The following TDRD3 variants were observed in gnomAD, a reference collection of about 807,000 sequenced individuals.
TDRD3 encodes the protein tudor domain-containing protein 3.
TDRD3 carries 45 observed loss-of-function variants against 86.7 expected under a neutral mutation model. The ratio of observed to expected loss-of-function variants is 0.52; its 90% CI spans 0.41 to 0.67. The LOEUF is 0.67. Among genes scored for constraint, TDRD3 ranks in the 30% least tolerant of loss-of-function variants. The pLI is 0.00. For synonymous variants in TDRD3, 298 were observed against 301.7 expected, an observed-to-expected ratio of 0.99 and a Z score of 0.13; for missense variants, 814 against 889.0, an observed-to-expected ratio of 0.92 and a Z score of 1.07.
intron 10 of TDRD3, among the ~76,000 whole-genome samples, chr13:60,521,997 A>G (rs564949757): frequency 6.6e-6 from 1 of 152,308 alleles, no homozygotes; most frequent in African/African-American, 2.4e-5. Flanking sequence ...AGAAGGTGGA[A>G]CTTTCTTCTA....
At chr13:60,396,535 A>T (rs1011275576), upstream of TDRD3, 2 of 152,554 alleles carry the variant, frequency 1.3e-5, no homozygotes, top group Non-Finnish European at 2.9e-5. Flanking sequence ...CAGATCTGGC[A>T]GTACAGAGCC....
chr13:60,485,275 T>TA (rs1014604272), intron 6 of TDRD3, among the ~76,000 whole-genome samples: 4 of 152,024 alleles, frequency 2.6e-5, no homozygotes, highest in African/African-American at 9.7e-5. Flanking sequence ...CCTTTTTTTT[T>TA]ACTTTATGAG....
chr13:60,477,284 A>T (rs1318064946), intron 5 of TDRD3, among the ~76,000 whole-genome samples: 1 of 151,784 alleles, frequency 6.6e-6, no homozygotes, highest in Non-Finnish European at 1.5e-5. Context: ...GCAGAATCAT[A>T]GTTCAATACA....
intron 1 of TDRD3, among the ~76,000 whole-genome samples, chr13:60,433,803 G>A (rs1955014914): frequency 6.6e-6 from 1 of 152,196 alleles, no homozygotes. Context: ...CAGCTGATGT[G>A]TAGTTTGCCT....
At chr13:60,416,471 A>G (rs1317639604) in intron 1 of TDRD3, among the ~76,000 whole-genome samples, 1 of 152,236 alleles carries the variant, frequency 6.6e-6, no homozygotes, top group Non-Finnish European at 1.5e-5. Context: ...TTCATTTACC[A>G]AGTAGATATT....
At chr13:60,511,021 CTG>C in intron 10 of TDRD3, among the ~76,000 whole-genome samples, 1 of 152,148 alleles carries the variant, frequency 6.6e-6, no homozygotes. Flanking sequence ...ACAGATATAA[CTG>C]TGTAAACAGG....
chr13:60,428,689 C>T (rs1370748463), intron 1 of TDRD3, among the ~76,000 whole-genome samples: 2 of 152,158 alleles, frequency 1.3e-5, no homozygotes, highest in African/African-American at 4.8e-5. Flanking sequence ...TTGAGACATA[C>T]GTCCTCGTGC....
intron 12 of TDRD3, among the ~76,000 whole-genome samples, chr13:60,556,917 TC>T (rs1958199618): frequency 6.6e-6 from 1 of 151,998 alleles, no homozygotes; most frequent in South Asian, 2.1e-4. Context: ...AAATAGAAGT[TC>T]CAGAGGCCGG....
chr13:60,409,972 G>T (rs1170778735), intron 1 of TDRD3, among the ~76,000 whole-genome samples: 1 of 152,150 alleles, frequency 6.6e-6, no homozygotes, highest in Non-Finnish European at 1.5e-5. Context: ...GGACCCAGGG[G>T]GAGGTAATTG....
intron 3 of TDRD3, among the ~76,000 whole-genome samples, chr13:60,450,385 A>C (rs1955507900): frequency 1.3e-5 from 2 of 152,320 alleles, no homozygotes; most frequent in African/African-American, 4.8e-5. Context: ...TAGAATATGC[A>C]CTACAAAGAC....
chr13:60,397,317 C>CA lies in TDRD3; in HGVS notation c.-47dup. ...GGGGGTCTCAAGTAGGAGGCCTCCC[C>CA]ATCACCCCCACCCCAGCCCCCCACC... On this transcript the variant is annotated 5_prime_UTR_variant, in exon 1 of 14. The change abolishes the stop of an existing upstream ORF in the 5' untranslated region. Transcript: ENST00000377881. 1 of 1,132,994 alleles carries CA rather than the reference C, an allele frequency of 8.8e-7. No homozygotes were observed. Among genetic ancestry groups the CA allele is most frequent in the Non-Finnish European group, 1.2e-6 (1 of 828,062 alleles). 70.2% of individuals were successfully genotyped at this position (1,132,994 alleles called of 1,614,324 possible).
chr13:60,510,784 T>C (rs1052213902), intron 10 of TDRD3, 29 bp downstream of exon 10: 16 of 1,508,704 alleles, frequency 1.1e-5, no homozygotes, highest in Non-Finnish European at 1.4e-5. Context: ...GATTCCTTTT[T>C]TTTTCTTTCT....
chr13:60,437,875 T>C (rs1265969874), intron 1 of TDRD3, among the ~76,000 whole-genome samples: 1 of 152,144 alleles, frequency 6.6e-6, no homozygotes, highest in Non-Finnish European at 1.5e-5. Context: ...TTCTTCTCCA[T>C]TTTCCAGCCA....
At chr13:60,545,408 G>A (rs1186798796) in intron 12 of TDRD3, among the ~76,000 whole-genome samples, 1 of 152,102 alleles carries the variant, frequency 6.6e-6, no homozygotes, top group Non-Finnish European at 1.5e-5. Context: ...GTGTAATTAG[G>A]AAATTAGGGT....
chr13:60,496,324 T>TGGG (rs1956716874), intron 8 of TDRD3, among the ~76,000 whole-genome samples: 1 of 87,326 alleles, frequency 1.1e-5, no homozygotes, highest in Non-Finnish European at 2.6e-5. Context: ...TATATATATA[T>TGGG]ATATATATAT....
rs573449133 is a variant in TDRD3, at chr13:60,483,183, T to C, written c.496-592T>C. Among the ~76,000 whole-genome samples the C allele has an allele frequency of 2.0e-5, 3 of 152,244 alleles. No individual in the cohort carries two copies. In the East Asian group the frequency reaches 5.8e-4, roughly 29 times the overall value. ...ACTAAAATTAGTTGGATTTGGAAGC[T>C]TATTTTTAGTTAATGAACAATTTGT... On this transcript the variant is annotated intron_variant, in intron 5 of 13. Transcript: ENST00000377881.
chr13:60,514,163 G>A (rs1247266640), intron 10 of TDRD3, among the ~76,000 whole-genome samples: 9 of 152,326 alleles, frequency 5.9e-5, no homozygotes, highest in Non-Finnish European at 1.3e-4. Context: ...TGGAGCAAAG[G>A]TGTTATGTTT....
chr13:60,407,616 G>A (rs1191954361), intron 1 of TDRD3, among the ~76,000 whole-genome samples: 2 of 152,156 alleles, frequency 1.3e-5, no homozygotes, highest in East Asian at 3.8e-4. Flanking sequence ...TAGAAGAAAA[G>A]TTTGAAATAT....
At chr13:60,473,782 G>A (rs1323671863) in intron 5 of TDRD3, among the ~76,000 whole-genome samples, 1 of 152,158 alleles carries the variant, frequency 6.6e-6, no homozygotes, top group Non-Finnish European at 1.5e-5. Context: ...CTGGTCTAGC[G>A]GACAAGGCCA....
Sources: allele counts gnomAD v4.1 joint callset (sites outside exome capture counted in the v4.1 genomes callset), GRCh38; gene constraint gnomAD v4.1.1; transcripts MANE v1.5; gene names NCBI Gene and HGNC (gene_info 2026-07-23, HGNC 2026-07-21).